NRXN3: variants seen among roughly 807,000 people sequenced by gnomAD.
NRXN3 encodes neurexin III.
Under a neutral mutation model 137.6 loss-of-function variants are expected in NRXN3, and 32 were observed. The observed-to-expected ratio is 0.23, with a 90% confidence interval of 0.18 to 0.31. The LOEUF (loss-of-function observed/expected upper bound fraction) is 0.31, where lower values mean the gene tolerates loss of function less well. NRXN3 is among the 10% of genes least tolerant of loss of function. The pLI is 1.00. For synonymous variants in NRXN3, 798 were observed against 784.5 expected (o/e 1.02, Z -0.29); for missense variants, 1,574 against 2,062.5 (o/e 0.76, Z 4.59).
chr14:79,122,005 C>T (rs2055527329), intron 15 of NRXN3, among the ~76,000 whole-genome samples: 1 of 152,130 alleles, frequency 6.6e-6, no homozygotes, highest in South Asian at 2.1e-4. Flanking sequence ...CTTATAATAC[C>T]TTGGCTGAAT....
chr14:79,402,355 G>A (rs916412203), intron 15 of NRXN3, among the ~76,000 whole-genome samples: 1 of 152,182 alleles, frequency 6.6e-6, no homozygotes, highest in African/African-American at 2.4e-5. Context: ...CAATGCACAT[G>A]CATATTCATA....
intron 4 of NRXN3, among the ~76,000 whole-genome samples, chr14:78,342,518 A>G (rs1394969997): frequency 2.0e-5 from 3 of 152,178 alleles, no homozygotes; most frequent in Non-Finnish European, 4.4e-5. Flanking sequence ...GGTAAATTGT[A>G]TGTTTCACAT....
chr14:78,982,731 T>C (rs1191550200), intron 14 of NRXN3, among the ~76,000 whole-genome samples: 2 of 152,192 alleles, frequency 1.3e-5, no homozygotes, highest in Non-Finnish European at 2.9e-5. Flanking sequence ...TTGCATTGTT[T>C]CTGGGCAAGG....
At chr14:78,535,846 G>A (rs534220137) in intron 4 of NRXN3, among the ~76,000 whole-genome samples, 24 of 152,298 alleles carry the variant, frequency 1.6e-4, no homozygotes, top group Non-Finnish European at 3.2e-4. Context: ...TAAGTGCCTA[G>A]TGCCACATCT....
At chr14:78,486,967 C>T (rs1192088330) in intron 4 of NRXN3, among the ~76,000 whole-genome samples, 1 of 152,106 alleles carries the variant, frequency 6.6e-6, no homozygotes, top group Non-Finnish European at 1.5e-5. Context: ...AAGGAATTTA[C>T]AATTTGAATG....
intron 8 of NRXN3, among the ~76,000 whole-genome samples, chr14:78,717,355 G>A (rs2098438666): frequency 6.6e-6 from 1 of 152,158 alleles, no homozygotes; most frequent in Non-Finnish European, 1.5e-5. Context: ...ATATATGAGG[G>A]ACAATTATTC....
intron 4 of NRXN3, among the ~76,000 whole-genome samples, chr14:78,416,565 T>C (rs978175005): frequency 1.2e-4 from 19 of 152,352 alleles, no homozygotes; most frequent in African/African-American, 4.6e-4. Flanking sequence ...AATAGTCATC[T>C]AAGTCACTCC....
chr14:79,555,157 C>T (rs957641910), intron 16 of NRXN3, among the ~76,000 whole-genome samples: 6 of 151,794 alleles, frequency 4.0e-5, no homozygotes, highest in Admixed American at 3.3e-4. Context: ...CTGAGCTGGG[C>T]CTTGAGCATT....
intron 16 of NRXN3, among the ~76,000 whole-genome samples, chr14:79,470,901 A>AGT (rs368554948): frequency 0.021 from 2,440 of 117,728 alleles, 84 homozygotes; most frequent in African/African-American, 0.086. Context: ...AGAGAGAGAG[A>AGT]GTGTGTGTGT....
At chr14:79,504,788 T>G (rs1252140190) in intron 16 of NRXN3, among the ~76,000 whole-genome samples, 2 of 151,402 alleles carry the variant, frequency 1.3e-5, no homozygotes, top group Non-Finnish European at 2.9e-5. Context: ...GAAACCCACT[T>G]CTCCCTTATC....
chr14:78,392,727 T>C (rs185895087), intron 4 of NRXN3, among the ~76,000 whole-genome samples: 1 of 152,266 alleles, frequency 6.6e-6, no homozygotes, highest in East Asian at 1.9e-4. Context: ...ATATTATCAT[T>C]ATTATCTCTT....
chr14:79,346,319 G>T (rs1454469543), intron 15 of NRXN3, among the ~76,000 whole-genome samples: 1 of 152,156 alleles, frequency 6.6e-6, no homozygotes, highest in Non-Finnish European at 1.5e-5. Flanking sequence ...TACTCAGGAG[G>T]CTGAGGCAGG....
At chr14:78,626,008 C>G (rs1193357105) in intron 4 of NRXN3, among the ~76,000 whole-genome samples, 2 of 152,168 alleles carry the variant, frequency 1.3e-5, no homozygotes, top group Admixed American at 1.3e-4. Context: ...ATAGTCCAGG[C>G]AAGGAGGTAA....
intron 3 of NRXN3, among the ~76,000 whole-genome samples, chr14:78,296,127 T>C (rs2076312766): frequency 6.7e-6 from 1 of 149,600 alleles, no homozygotes; most frequent in Non-Finnish European, 1.5e-5. Context: ...GGTGCGATCA[T>C]AGCTCATTGT....
At chr14:78,657,834 T>G (rs1006393839) in intron 6 of NRXN3, among the ~76,000 whole-genome samples, 2 of 152,190 alleles carry the variant, frequency 1.3e-5, no homozygotes, top group Admixed American at 1.3e-4. Flanking sequence ...TGTTGTTGCT[T>G]TTTTTCTTCT....
At position 78,501,324 on chromosome 14, in the gene NRXN3, G is replaced by T. The variant is rs574491722; in HGVS notation, c.758-143796G>T. Among the ~76,000 whole-genome samples the T allele has an allele frequency of 1.1e-4, 16 of 152,252 alleles. 1 individual carries two copies. The East Asian group carries it at 2.9e-3, about 28-fold the overall frequency. ...TCTGCTTCCAAGCTTTCTCCCGGTT[G>T]TTGGCAGGATTTAGTTCCTCACTGG... On this transcript the variant is annotated intron_variant, in intron 4 of 20. Coordinates refer to ENST00000335750, the MANE Select transcript of NRXN3 (RefSeq NM_001330195.2).
At chr14:79,310,797 T>C (rs2087114660) in intron 15 of NRXN3, among the ~76,000 whole-genome samples, 1 of 127,014 alleles carries the variant, frequency 7.9e-6, no homozygotes, top group African/African-American at 3.6e-5. Context: ...TCCTGAGACT[T>C]TGCTGAAGTT....
chr14:78,499,387 A>G (rs2095844453), intron 4 of NRXN3, among the ~76,000 whole-genome samples: 2 of 152,292 alleles, frequency 1.3e-5, no homozygotes, highest in African/African-American at 4.8e-5. Flanking sequence ...TGTGCAAAGA[A>G]CAATCTTAAT....
chr14:79,163,396 T>A (rs1458240532), intron 15 of NRXN3, among the ~76,000 whole-genome samples: 1 of 151,982 alleles, frequency 6.6e-6, no homozygotes, highest in Non-Finnish European at 1.5e-5. Context: ...TGGCTTTTGG[T>A]CTTAAGTAGA....
Sources: allele counts gnomAD v4.1 joint callset (sites outside exome capture counted in the v4.1 genomes callset), GRCh38; gene constraint gnomAD v4.1.1; transcripts MANE v1.5; gene names NCBI Gene and HGNC (gene_info 2026-07-23, HGNC 2026-07-21).